Variants in PDGFA observed in about 807,000 individuals in gnomAD.
The protein encoded by PDGFA is platelet-derived growth factor subunit A.
Under a neutral mutation model 25.6 loss-of-function variants are expected in PDGFA, and 9 were observed. The ratio of observed to expected loss-of-function variants is 0.35; its 90% CI spans 0.21 to 0.61. The LOEUF (loss-of-function observed/expected upper bound fraction) is 0.61, where lower values mean the gene tolerates loss of function less well. Among genes scored for constraint, PDGFA ranks in the 20% least tolerant of loss-of-function variants. PDGFA has a pLI of 0.75. For synonymous variants in PDGFA, 133 were observed against 111.8 expected, an observed-to-expected ratio of 1.19 and a Z score of -1.20; for missense variants, 242 against 272.8, an observed-to-expected ratio of 0.89 and a Z score of 0.79.
chr7:501,223 A>T, exon 5 of PDGFA: 1 of 1,614,146 alleles, frequency 6.2e-7, no homozygotes, highest in Non-Finnish European at 8.5e-7. Flanking sequence ...CTTCTTCCTG[A>T]CGTATTCCAC....
At chr7:503,606 C>A (rs898989608) in intron 4 of PDGFA, among the ~76,000 whole-genome samples, 1 of 152,122 alleles carries the variant, frequency 6.6e-6, no homozygotes, top group Non-Finnish European at 1.5e-5. Flanking sequence ...ATCAGCAGGG[C>A]CCCCAGGGAG....
Position 500,825 on chromosome 7 carries a change from C to A in PDGFA, c.580+291G>T. On this transcript the variant is annotated intron_variant, in intron 5 of 5. Coordinates refer to ENST00000402802, the Ensembl canonical transcript of PDGFA. The surrounding 1 kb of genome is among the most constrained non-coding windows in gnomAD (Gnocchi z 5.0). ...GATTCTTCTCAGCTCAGCCCCGCAG[C>A]CCACTAATGAATTGGGTGTCTTATG... is the stretch of plus-strand genomic sequence containing the variant. 1 of 1,485,242 alleles carries A rather than the reference C, an allele frequency of 6.7e-7. No individual in the cohort carries two copies. The highest frequency in any genetic ancestry group is 9.0e-7 in the Non-Finnish European group (1 of 1,116,786). 92.0% of individuals were successfully genotyped at this position (1,485,242 alleles called of 1,614,324 possible).
chr7:512,324 C>G (rs774084287), intron 3 of PDGFA, 27 bp downstream of exon 3: 45 of 1,597,466 alleles, frequency 2.8e-5, no homozygotes, highest in Non-Finnish European at 3.8e-5. Flanking sequence ...CGGCCCTGCC[C>G]TGCCCATCGC....
At chr7:511,841 G>A (rs1782864828) in intron 3 of PDGFA, among the ~76,000 whole-genome samples, 1 of 152,336 alleles carries the variant, frequency 6.6e-6, no homozygotes, top group South Asian at 2.1e-4. Flanking sequence ...AATGGACGCG[G>A]GGGTGGAGCC....
rs1283860476 is a variant in PDGFA at position 500,406 on chromosome 7, CAG to C, written c.580+708_580+709del. The C allele has an allele frequency of 6.2e-7, 1 of 1,612,654 alleles. No homozygotes were observed. Among genetic ancestry groups the C allele is most frequent in the Non-Finnish European group, 8.5e-7 (1 of 1,178,804 alleles). ...TTGCACCTCCCCGCCCTGCAGGACTCAGTGTGTCCGGCAGACAGTCCTACCTG... is the reference window on the plus strand; with the variant it reads ...TTGCACCTCCCCGCCCTGCAGGACTCTGTGTCCGGCAGACAGTCCTACCTG... On this transcript the variant is annotated intron_variant, in intron 5 of 5. Transcript: ENST00000402802. The surrounding 1 kb of genome is among the most constrained non-coding windows in gnomAD (Gnocchi z 5.0).
At chr7:508,588 A>AAAAAAAAAAAACC (rs1782669172) in intron 4 of PDGFA, among the ~76,000 whole-genome samples, 1 of 146,766 alleles carries the variant, frequency 6.8e-6, no homozygotes, top group Non-Finnish European at 1.5e-5. Flanking sequence ...AAAAAAAAAA[A>AAAAAAAAAAAACC]TTCTCAGCTG....
intron 4 of PDGFA, among the ~76,000 whole-genome samples, chr7:502,768 T>TCTCA (rs1554273864): frequency 7.9e-6 from 1 of 126,034 alleles, no homozygotes; most frequent in East Asian, 2.4e-4. Flanking sequence ...AGGCAAGAAA[T>TCTCA]CACACACACA....
chr7:502,768 T>TCACACACACACACACACA (rs71016866), intron 4 of PDGFA, among the ~76,000 whole-genome samples: 1 of 126,034 alleles, frequency 7.9e-6, no homozygotes, highest in Non-Finnish European at 1.7e-5. Context: ...AGGCAAGAAA[T>TCACACACACACACACACA]CACACACACA....
At chr7:511,041 C>A in intron 3 of PDGFA, 45 bp from the exon 4 acceptor site, 2 of 1,509,788 alleles carry the variant, frequency 1.3e-6, no homozygotes, top group Non-Finnish European at 9.1e-7. Flanking sequence ...CCTCTGCGAC[C>A]ACGGCCCCAC....
At chr7:510,747 A>AGGAGAGGAGAGGAGGGGAGG in intron 4 of PDGFA, 62 bp downstream of exon 4, 1 of 380,512 alleles carries the variant, frequency 2.6e-6, no homozygotes, top group African/African-American at 9.1e-5. Context: ...GGGAGAGGAG[A>AGGAGAGGAGAGGAGGGGAGG]GGAGGGGAGG....
At position 500,393 on chromosome 7, in the gene PDGFA, G is replaced by A. The variant is rs765913327; in HGVS notation, c.580+723C>T. ...TGTGATCAGTCAGTTGCACCTCCCCGCCCTGCAGGACTCAGTGTGTCCGGC... is the reference window on the plus strand; with the variant it reads ...TGTGATCAGTCAGTTGCACCTCCCCACCCTGCAGGACTCAGTGTGTCCGGC... On this transcript the variant is annotated intron_variant, in intron 5 of 5. Coordinates refer to ENST00000402802, the Ensembl canonical transcript of PDGFA. This position sits in a 1 kb window ranked among gnomAD's most constrained non-coding sequence, Gnocchi z 5.0. The A allele has an allele frequency of 8.1e-6, 13 of 1,603,882 alleles. No individual in the cohort carries two copies. The highest frequency in any genetic ancestry group is 3.3e-5 in the Admixed American group (2 of 59,948).
At chr7:502,381 C>A (rs1444088670) in intron 4 of PDGFA, among the ~76,000 whole-genome samples, 1 of 152,134 alleles carries the variant, frequency 6.6e-6, no homozygotes, top group Non-Finnish European at 1.5e-5. Context: ...GCAGCAGGGC[C>A]AGCAGACCCA....
intron 3 of PDGFA, among the ~76,000 whole-genome samples, chr7:511,679 A>AG (rs1782858139): frequency 6.6e-6 from 1 of 152,148 alleles, no homozygotes; most frequent in Non-Finnish European, 1.5e-5. Flanking sequence ...GAGCAGCACC[A>AG]GGGCTCAAAC....
At chr7:507,084 C>A (rs955820320) in intron 4 of PDGFA, among the ~76,000 whole-genome samples, 1 of 152,240 alleles carries the variant, frequency 6.6e-6, no homozygotes, top group African/African-American at 2.4e-5. Flanking sequence ...CCTCCATCCG[C>A]AGCGGCAGGA....
exon 1 of PDGFA, chr7:518,961 T>C: frequency 6.5e-7 from 1 of 1,538,258 alleles, no homozygotes; most frequent in Non-Finnish European, 8.7e-7. Flanking sequence ...ATGGGCGAGG[T>C]ATCCGCAGCC....
Position 518,931 on chromosome 7 carries a change from G to T in PDGFA, c.63+8C>A, listed in dbSNP as rs1479074658. 1.3e-6 allele frequency: 2 copies of T among 1,514,334 alleles called. No homozygotes were observed. The highest frequency in any genetic ancestry group is 1.8e-6 in the Non-Finnish European group (2 of 1,132,692). The allele number at this position is 1,514,334 out of a possible 1,614,324, so 93.8% of individuals were successfully genotyped here. On this transcript the variant is annotated splice_region_variant and intron_variant, in intron 1 of 5. Coordinates refer to ENST00000402802, the Ensembl canonical transcript of PDGFA. ...GGCGCAGGGACGGGGCGCGGGGGCG[G>T]CACCAACCTCGGCCAGAACATGGGC...
intron 4 of PDGFA, among the ~76,000 whole-genome samples, chr7:505,836 G>A (rs574063087): frequency 6.6e-5 from 10 of 152,280 alleles, no homozygotes; most frequent in African/African-American, 2.2e-4. Context: ...GGTGTCTCTC[G>A]ACAGAGACTT....
At chr7:507,639 C>T (rs891317442) in intron 4 of PDGFA, among the ~76,000 whole-genome samples, 2 of 152,238 alleles carry the variant, frequency 1.3e-5, no homozygotes, top group Non-Finnish European at 2.9e-5. Flanking sequence ...CCCCAGCACC[C>T]AGAACTGACA....
chr7:503,040 A>G (rs1016870469), intron 4 of PDGFA, among the ~76,000 whole-genome samples: 11 of 152,156 alleles, frequency 7.2e-5, no homozygotes, highest in South Asian at 4.1e-4. Flanking sequence ...CTGCATGAGT[A>G]GAGTATTGGC....
Sources: allele counts gnomAD v4.1 joint callset (sites outside exome capture counted in the v4.1 genomes callset), GRCh38; gene constraint gnomAD v4.1.1; non-coding constraint Gnocchi (gnomAD v3.1); transcripts MANE v1.5; gene names NCBI Gene and HGNC (gene_info 2026-07-23, HGNC 2026-07-21).